The following SPTBN4 variants were observed in gnomAD, a reference collection of about 807,000 sequenced individuals.
SPTBN4 encodes the protein spectrin beta chain, non-erythrocytic 4.
SPTBN4 carries 96 observed loss-of-function variants against 277.8 expected under a neutral mutation model. The observed-to-expected ratio is 0.35, with a 90% CI of 0.29 to 0.41. SPTBN4 has a LOEUF of 0.41. SPTBN4 is among the 10% of genes least tolerant of loss of function. The pLI is 1.00. For missense variants in SPTBN4, 3,006 were observed against 3,595.7 expected, an observed-to-expected ratio of 0.84 and a Z score of 4.19; for synonymous variants, 1,481 against 1,580.3, an observed-to-expected ratio of 0.94 and a Z score of 1.49.
chr19:40,510,367 C>G (rs2080377512), intron 13 of SPTBN4, among the ~76,000 whole-genome samples: 1 of 152,030 alleles, frequency 6.6e-6, no homozygotes, highest in East Asian at 1.9e-4. Context: ...TACGGTGGCA[C>G]TATCTCGGCT....
At chr19:40,498,413 A>T (rs868218298) in intron 7 of SPTBN4, among the ~76,000 whole-genome samples, 53 of 127,748 alleles carry the variant, frequency 4.1e-4, no homozygotes, top group Admixed American at 2.9e-3. Flanking sequence ...TTATTTATTT[A>T]TTTATTTTTT....
At position 40,554,102 on chromosome 19, in the gene SPTBN4, G is replaced by A. The variant is rs2080947669; in HGVS notation, c.4675-45G>A. The A allele has an allele frequency of 1.4e-6, 2 of 1,399,988 alleles. No homozygotes were observed. Among genetic ancestry groups the A allele is most frequent in the Non-Finnish European group, 1.8e-6 (2 of 1,088,220 alleles). 86.7% of individuals were successfully genotyped at this position (1,399,988 alleles called of 1,614,324 possible). A position where few individuals can be genotyped will look rare whatever the true frequency, so the allele number is the denominator to read the frequency against. Reference sequence around the variant, plus strand: ...GGAGCGTGTGGTCTTGCAGGGCCTCGGAACGCCCCCTCTCCACCCACATCC... The same window carrying A: ...GGAGCGTGTGGTCTTGCAGGGCCTCAGAACGCCCCCTCTCCACCCACATCC... On this transcript the variant is annotated intron_variant, in intron 22 of 35. Coordinates refer to ENST00000598249, the MANE Select transcript of SPTBN4 (RefSeq NM_020971.3). The surrounding 1 kb of genome is among the most constrained non-coding windows in gnomAD (Gnocchi z 5.7).
At chr19:40,558,523 T>A (rs1419926070) in intron 26 of SPTBN4, among the ~76,000 whole-genome samples, 1 of 152,166 alleles carries the variant, frequency 6.6e-6, no homozygotes, top group Non-Finnish European at 1.5e-5. Flanking sequence ...CAGATGGAAA[T>A]GAAGCTGCAG....
rs2080332559 is a variant in SPTBN4 at position 40,506,508 on chromosome 19, C to A, written c.1816+122C>A. The A allele has an allele frequency of 1.4e-5, 20 of 1,385,250 alleles. No homozygotes were observed. The South Asian group carries it at 3.1e-4, about 21-fold the overall frequency. 85.8% of individuals were successfully genotyped at this position (1,385,250 alleles called of 1,614,324 possible). On this transcript the variant is annotated intron_variant, in intron 13 of 35. Coordinates refer to ENST00000598249, the MANE Select transcript of SPTBN4 (RefSeq NM_020971.3). ...CTCCTTGTCCTTGGAGGCATTTAAGCAGAGCCTAAGATTACATTCCACTGG... is the reference window on the plus strand; with the variant it reads ...CTCCTTGTCCTTGGAGGCATTTAAGAAGAGCCTAAGATTACATTCCACTGG...
At chr19:40,523,162 G>T (rs2080548399) in intron 16 of SPTBN4, among the ~76,000 whole-genome samples, 1 of 152,106 alleles carries the variant, frequency 6.6e-6, no homozygotes, top group Admixed American at 6.6e-5. Context: ...AAATAATACA[G>T]GAGGGTAGTG....
At chr19:40,547,363 CCTT>C (rs1434256346) in intron 20 of SPTBN4, among the ~76,000 whole-genome samples, 2 of 152,070 alleles carry the variant, frequency 1.3e-5, no homozygotes, top group Non-Finnish European at 2.9e-5. Flanking sequence ...ATGAACTCAT[CCTT>C]CTTTATGGCT....
rs2080508132 is a variant in SPTBN4 at position 40,520,033 on chromosome 19, T to C, written c.3536T>C (p.Leu1179Pro). ...ALDEWLPHLELGWHKLLGLWE... is the reference protein window; with the variant it reads ...ALDEWLPHLEPGWHKLLGLWE... ...GACGAGTGGCTGCCACACCTCGAACTTGGCTGGCATAAACTGCTCGGCTTG... is the reference window on the plus strand; with the variant it reads ...GACGAGTGGCTGCCACACCTCGAACCTGGCTGGCATAAACTGCTCGGCTTG... The change falls in exon 16 of 36, where the codon CTT (leucine) becomes CCT (proline). Residue 1179 changes from leucine (L) to proline (P), a missense_variant. By Grantham distance (98) the Leu-to-Pro change is moderately conservative. Around this residue, in one of 5 missense-constraint regions of SPTBN4, gnomAD observed 1,759 missense variants for 2,061.5 expected, o/e 0.85. Coordinates refer to ENST00000598249, the MANE Select transcript of SPTBN4 (RefSeq NM_020971.3). The C allele has an allele frequency of 3.2e-6, 5 of 1,564,248 alleles. No homozygotes were observed. The South Asian group carries it at 3.5e-5, about 11-fold the overall frequency.
At position 40,557,047 on chromosome 19, in the gene SPTBN4, T is replaced by G; in HGVS notation, c.5314T>G (p.Phe1772Val). 1.5e-6 allele frequency: 2 copies of G among 1,352,840 alleles called. No individual in the cohort carries two copies. The highest frequency in any genetic ancestry group is 4.2e-5 in the East Asian group (1 of 23,750). The allele number at this position is 1,352,840 out of a possible 1,614,324, so 83.8% of individuals were successfully genotyped here. ...GGTGCTGCAGGAGAAATTCTCAGAG[T>G]TTGCCAGCGAGACAGGTATGGCAGG... ...VSVLQEKFSE[F>V]ASETGMAGRE... Residue 1772 changes from phenylalanine (F) to valine (V), a missense_variant, in exon 26 of 36, where the codon TTT (phenylalanine) becomes GTT (valine). Transcript: ENST00000598249.
At chr19:40,495,156 C>T (rs1011835814) in intron 6 of SPTBN4, among the ~76,000 whole-genome samples, 179 bp downstream of exon 6, 1 of 152,188 alleles carries the variant, frequency 6.6e-6, no homozygotes, top group African/African-American at 2.4e-5. Flanking sequence ...CATTTACACA[C>T]AGGAACACAC....
chr19:40,566,796 C>A (rs2081096550), intron 30 of SPTBN4, among the ~76,000 whole-genome samples: 1 of 151,874 alleles, frequency 6.6e-6, no homozygotes. Flanking sequence ...GAAACCCCAT[C>A]TCTACTAAAA....
intron 20 of SPTBN4, among the ~76,000 whole-genome samples, chr19:40,547,654 A>C (rs1349537570): frequency 1.3e-5 from 2 of 152,188 alleles, no homozygotes; most frequent in East Asian, 3.8e-4. Context: ...CAACAGTGTA[A>C]AAGTGTTCCT....
chr19:40,573,109 A>G (rs917281861), intron 35 of SPTBN4, among the ~76,000 whole-genome samples: 20 of 152,034 alleles, frequency 1.3e-4, no homozygotes, highest in Non-Finnish European at 8.8e-5. Flanking sequence ...GGACTTCAAG[A>G]TCAGCCTGGG....
chr19:40,475,578 G>A (rs538215774), intron 2 of SPTBN4, among the ~76,000 whole-genome samples: 2 of 151,950 alleles, frequency 1.3e-5, no homozygotes, highest in East Asian at 2.0e-4. Flanking sequence ...CTCCCGCCTC[G>A]GGAGTCCCGA....
chr19:40,528,667 T>C (rs1450524634), intron 17 of SPTBN4, among the ~76,000 whole-genome samples: 1 of 152,164 alleles, frequency 6.6e-6, no homozygotes, highest in African/African-American at 2.4e-5. Flanking sequence ...TTTTATTCTC[T>C]CTCTCGCTCT....
Position 40,502,825 on chromosome 19 carries a change from G to T in SPTBN4, c.1254G>T (p.Arg418=), listed in dbSNP as rs1029982884. 6.2e-7 allele frequency: 1 copy of T among 1,613,978 alleles called. No individual in the cohort carries two copies. The highest frequency in any genetic ancestry group is 8.5e-7 in the Non-Finnish European group (1 of 1,180,034). ...AGCATGAGCGGGAGGCTGCCCTACG[G>T]GCTGAGCTGATTCGGCAGGAGAAGC... ...KAEHEREAAL[R]AELIRQEKLE... Residue 418 remains arginine (R), a synonymous_variant, in exon 11 of 36, where the codon CGG becomes CGT. Coordinates refer to ENST00000598249, the MANE Select transcript of SPTBN4 (RefSeq NM_020971.3). The surrounding 1 kb of genome is among the most constrained non-coding windows in gnomAD (Gnocchi z 4.9).
intron 3 of SPTBN4, among the ~76,000 whole-genome samples, chr19:40,489,815 C>T (rs954216243): frequency 6.6e-6 from 1 of 152,086 alleles, no homozygotes; most frequent in African/African-American, 2.4e-5. Context: ...GTGGGGCGCC[C>T]GTGGAAGGGG....
rs1284885083 is a variant in SPTBN4, at chr19:40,490,335, C to T, written c.495+87C>T. On this transcript the variant is annotated intron_variant, in intron 4 of 35. Transcript: ENST00000598249. The surrounding 1 kb of genome is among the most constrained non-coding windows in gnomAD (Gnocchi z 4.3). ...CATTTACCCATTCATTCTTTCCTTC[C>T]AATAATATCCTAATATGCTGGAATC... The T allele has an allele frequency of 7.0e-7, 1 of 1,438,694 alleles. No individual in the cohort carries two copies. The highest frequency in any genetic ancestry group is 9.4e-7 in the Non-Finnish European group (1 of 1,067,776). The allele number at this position is 1,438,694 out of a possible 1,614,324, so 89.1% of individuals were successfully genotyped here.
Position 40,554,814 on chromosome 19 carries a change from G to GTC in SPTBN4, c.5084+168_5084+169insTC. 1 of 1,025,666 alleles carries GTC rather than the reference G, an allele frequency of 9.7e-7. No individual in the cohort carries two copies. Among genetic ancestry groups the GTC allele is most frequent in the Non-Finnish European group, 1.4e-6 (1 of 702,206 alleles). The allele number at this position is 1,025,666 out of a possible 1,614,324, so 63.5% of individuals were successfully genotyped here. A position where few individuals can be genotyped will look rare whatever the true frequency, so the allele number is the denominator to read the frequency against. ...TGGGCGGGCCGGAATGGGGGGACAC[G>GTC]GCTCAGGGATGGTTGAGAGGGTGGG... On this transcript the variant is annotated intron_variant, in intron 24 of 35. Transcript: ENST00000598249. The surrounding 1 kb of genome is among the most constrained non-coding windows in gnomAD (Gnocchi z 5.7).
chr19:40,572,441 C>T (rs1024666193), intron 35 of SPTBN4, 61 bp downstream of exon 35: 18 of 1,598,970 alleles, frequency 1.1e-5, no homozygotes, highest in Admixed American at 6.7e-5. Flanking sequence ...CTGTCTGGCT[C>T]CTGACCCAGA....
Sources: allele counts gnomAD v4.1 joint callset (sites outside exome capture counted in the v4.1 genomes callset), GRCh38; gene constraint gnomAD v4.1.1; regional missense constraint gnomAD v4.1.1; non-coding constraint Gnocchi (gnomAD v3.1); transcripts MANE v1.5; gene names NCBI Gene and HGNC (gene_info 2026-07-23, HGNC 2026-07-21).